The following BMPR1B variants were observed in gnomAD, a reference collection of about 807,000 sequenced individuals.
BMPR1B encodes bone morphogenetic protein receptor type-1B.
A neutral mutation model predicts 59.1 loss-of-function variants in BMPR1B; 12 were observed. That is an observed-to-expected ratio of 0.20 (90% CI 0.13 to 0.33). BMPR1B has a LOEUF of 0.33. BMPR1B is among the 10% of genes least tolerant of loss of function. The pLI, the probability that BMPR1B is intolerant of heterozygous loss-of-function variation, is 1.00. For missense variants in BMPR1B, 550 were observed against 610.9 expected (o/e 0.90, Z 1.05); for synonymous variants, 237 against 207.3 (o/e 1.14, Z -1.23).
chr4:94,787,548 A>G (rs1722806411), intron 1 of BMPR1B, among the ~76,000 whole-genome samples: 1 of 152,202 alleles, frequency 6.6e-6, no homozygotes, highest in Non-Finnish European at 1.5e-5. Flanking sequence ...CACTTAGCTC[A>G]GCCTCTTTGT....
At chr4:94,954,921 T>C (rs143605759) in intron 2 of BMPR1B, among the ~76,000 whole-genome samples, 3 of 152,270 alleles carry the variant, frequency 2.0e-5, no homozygotes, top group Non-Finnish European at 4.4e-5. Flanking sequence ...CTGTTATTAT[T>C]ATTATATAAG....
chr4:95,114,912 G>A, intron 5 of BMPR1B, 90 bp downstream of exon 5: 1 of 1,296,552 alleles, frequency 7.7e-7, no homozygotes, highest in Non-Finnish European at 1.1e-6. Context: ...TTCTTGGCCA[G>A]CCCATTTTTA....
In BMPR1B at chr4:95,046,104, T is replaced by C. The variant is rs113504608; in HGVS notation, c.-18+49970T>C. 2.8e-3 allele frequency among the ~76,000 whole-genome samples: 423 copies of C among 152,274 alleles called. 1 individual carries two copies. The highest frequency in any genetic ancestry group is 9.8e-3 in the African/African-American group (409 of 41,542). ...CTTTTTTTTTGAGGTGAGGTCTTGC[T>C]GTATTGCCCAGGCTAGTCTCGAACC... On this transcript the variant is annotated intron_variant, in intron 3 of 12. Coordinates refer to ENST00000515059, the MANE Select transcript of BMPR1B (RefSeq NM_001203.3).
chr4:94,835,330 T>C (rs1267748610), intron 1 of BMPR1B, among the ~76,000 whole-genome samples: 5 of 152,194 alleles, frequency 3.3e-5, no homozygotes, highest in African/African-American at 1.2e-4. Flanking sequence ...CCACCATGCC[T>C]GGCTTTAAGA....
chr4:95,142,641 A>C (rs1190471903), intron 10 of BMPR1B, among the ~76,000 whole-genome samples: 1 of 151,914 alleles, frequency 6.6e-6, no homozygotes, highest in Non-Finnish European at 1.5e-5. Context: ...GACCATCCGC[A>C]TGTGCCCAAA....
chr4:95,148,690 G>A, intron 10 of BMPR1B, 58 bp from the exon 11 acceptor site: 2 of 1,546,526 alleles, frequency 1.3e-6, no homozygotes, highest in South Asian at 1.1e-5. Flanking sequence ...GAATCACCTT[G>A]ATTCGTTTTT....
intron 1 of BMPR1B, among the ~76,000 whole-genome samples, chr4:94,852,459 T>G (rs1401543799): frequency 6.6e-6 from 1 of 152,188 alleles, no homozygotes; most frequent in Non-Finnish European, 1.5e-5. Flanking sequence ...AGCTATATTT[T>G]AATATTACTA....
chr4:95,043,100 G>A (rs971782620), intron 3 of BMPR1B, among the ~76,000 whole-genome samples: 12 of 146,160 alleles, frequency 8.2e-5, no homozygotes, highest in Non-Finnish European at 1.8e-4. Context: ...GCGTGAACCC[G>A]GGAAGCGGAG....
chr4:95,026,811 G>A (rs1353659361), intron 3 of BMPR1B, among the ~76,000 whole-genome samples: 2 of 150,822 alleles, frequency 1.3e-5, no homozygotes, highest in African/African-American at 4.9e-5. Context: ...ATCCAGGATG[G>A]AGTGCAGTGA....
chr4:95,061,189 ACACACACACACACACACACAC>A (rs1426962251), intron 3 of BMPR1B, among the ~76,000 whole-genome samples: 159 of 105,400 alleles, frequency 1.5e-3, no homozygotes, highest in African/African-American at 4.0e-3. Context: ...ACACACACAC[ACACACACACACACACACACAC>A]CACACACCCC....
At chr4:94,836,807 G>T (rs1298219442) in intron 1 of BMPR1B, among the ~76,000 whole-genome samples, 1 of 148,788 alleles carries the variant, frequency 6.7e-6, no homozygotes, top group Non-Finnish European at 1.5e-5. Flanking sequence ...CATTCCTTTT[G>T]GTGTTTTAGA....
chr4:94,889,063 A>G (rs1187434064), intron 2 of BMPR1B, among the ~76,000 whole-genome samples: 1 of 152,026 alleles, frequency 6.6e-6, no homozygotes, highest in African/African-American at 2.4e-5. Context: ...TCAAAGAACC[A>G]GAAAGAAATT....
At chr4:95,081,988 T>A (rs534164959) in intron 3 of BMPR1B, among the ~76,000 whole-genome samples, 22 of 151,846 alleles carry the variant, frequency 1.4e-4, no homozygotes, top group African/African-American at 3.9e-4. Flanking sequence ...ATTATACTTT[T>A]TTATTATTAT....
At chr4:94,829,950 A>C (rs1339994892) in intron 1 of BMPR1B, among the ~76,000 whole-genome samples, 1 of 152,212 alleles carries the variant, frequency 6.6e-6, no homozygotes, top group African/African-American at 2.4e-5. Flanking sequence ...ATTTAGATAA[A>C]ATTCAGTGCA....
intron 2 of BMPR1B, among the ~76,000 whole-genome samples, chr4:94,959,499 C>T (rs929850528): frequency 7.2e-5 from 11 of 152,296 alleles, no homozygotes; most frequent in African/African-American, 2.4e-4. Flanking sequence ...GCAGAGATTC[C>T]TCAAAGTTGA....
chr4:94,826,041 G>GA (rs144458259), intron 1 of BMPR1B, among the ~76,000 whole-genome samples: 1 of 150,780 alleles, frequency 6.6e-6, no homozygotes, highest in Non-Finnish European at 1.5e-5. Flanking sequence ...TTTATTTGTG[G>GA]AAAAAAAAAT....
At chr4:94,842,399 C>T (rs1344705471) in intron 1 of BMPR1B, among the ~76,000 whole-genome samples, 2 of 151,794 alleles carry the variant, frequency 1.3e-5, no homozygotes, top group South Asian at 2.1e-4. Context: ...TGTTAAATAC[C>T]ACATCCTAGA....
intron 3 of BMPR1B, among the ~76,000 whole-genome samples, chr4:95,022,130 A>T (rs1724033589): frequency 6.6e-6 from 1 of 152,196 alleles, no homozygotes; most frequent in African/African-American, 2.4e-5. Context: ...AGGCTCCTTC[A>T]GCTTTGTGAC....
At chr4:94,839,725 C>G (rs368938796) in intron 1 of BMPR1B, among the ~76,000 whole-genome samples, 12,210 of 117,894 alleles carry the variant, frequency 0.1, 823 homozygotes, top group African/African-American at 0.13. Flanking sequence ...ATTTGCCAGT[C>G]TATGTCTTTT....
Sources: allele counts gnomAD v4.1 joint callset (sites outside exome capture counted in the v4.1 genomes callset), GRCh38; gene constraint gnomAD v4.1.1; transcripts MANE v1.5; gene names NCBI Gene and HGNC (gene_info 2026-07-23, HGNC 2026-07-21).